ARHGEF10L: variants seen among roughly 807,000 people sequenced by gnomAD.
ARHGEF10L encodes Rho guanine nucleotide exchange factor 10 like.
ARHGEF10L carries 69 observed loss-of-function variants against 141.2 expected under a neutral mutation model. The observed-to-expected ratio is 0.49, with a 90% CI of 0.40 to 0.60. The LOEUF (loss-of-function observed/expected upper bound fraction) is 0.60, where lower values mean the gene tolerates loss of function less well. ARHGEF10L is among the 20% of genes least tolerant of loss of function. The probability of loss-of-function intolerance (pLI) is 0.00; values close to 1 mark genes in which losing one functional copy is unlikely to be tolerated. For synonymous variants in ARHGEF10L, 711 were observed against 718.5 expected (o/e 0.99, Z 0.17); for missense variants, 1,482 against 1,734.3 (o/e 0.85, Z 2.58).
Position 17,671,418 on chromosome 1 carries a change from C to T in ARHGEF10L, c.3009+6823C>T, listed in dbSNP as rs147587244. 3.6e-3 allele frequency among the ~76,000 whole-genome samples: 553 copies of T among 152,236 alleles called. 3 individuals carry two copies. The highest frequency in any genetic ancestry group is 0.027 in the Middle Eastern group (8 of 294). ...GGATAGTCCCTGCCTGGATGGCAGC[C>T]GGGGACAGATGGACAACAGTGTCAC... On this transcript the variant is annotated intron_variant, in intron 26 of 28. Coordinates refer to ENST00000361221, the MANE Select transcript of ARHGEF10L (RefSeq NM_018125.4).
intron 26 of ARHGEF10L, among the ~76,000 whole-genome samples, chr1:17,670,102 G>A (rs112666948): frequency 9.8e-5 from 15 of 152,286 alleles, no homozygotes; most frequent in African/African-American, 3.4e-4. Flanking sequence ...CGCGAGCCAC[G>A]CCTAGGCCAG....
At chr1:17,540,980 C>T (rs1297950257) in intron 1 of ARHGEF10L, among the ~76,000 whole-genome samples, 1 of 152,210 alleles carries the variant, frequency 6.6e-6, no homozygotes, top group Non-Finnish European at 1.5e-5. Context: ...GACTAGAAAG[C>T]AGGTCAGCCT....
At chr1:17,580,694 G>A (rs546125513) in intron 2 of ARHGEF10L, 62 bp downstream of exon 2, 207 of 1,600,810 alleles carry the variant, frequency 1.3e-4, no homozygotes, top group South Asian at 2.7e-4. Flanking sequence ...GCTGGGGGCC[G>A]GCGGAGGGCC....
In ARHGEF10L at chr1:17,687,649, C is replaced by T; in HGVS notation, c.3086C>T (p.Ala1029Val). Reference sequence around the variant, plus strand: ...AAGGCGGGCAGCGGCGTCTGGATGGCCTTCTCCTCCGGCACCTCCATCCGC... The same window carrying T: ...AAGGCGGGCAGCGGCGTCTGGATGGTCTTCTCCTCCGGCACCTCCATCCGC... ...MVKAGSGVWM[A>V]FSSGTSIRLF... Residue 1029 changes from alanine (A) to valine (V), a missense_variant, in exon 27 of 29, where the codon GCC (alanine) becomes GTC (valine). Ala to Val is a moderately conservative substitution (Grantham distance 64, BLOSUM62 0). Around this residue, in one of 3 missense-constraint regions of ARHGEF10L, gnomAD observed 858 missense variants for 966.3 expected, o/e 0.89. Transcript: ENST00000361221. 6.2e-7 allele frequency: 1 copy of T among 1,612,742 alleles called. No individual in the cohort carries two copies. Among genetic ancestry groups the T allele is most frequent in the Non-Finnish European group, 8.5e-7 (1 of 1,179,782 alleles).
chr1:17,530,770 T>C, the ARHGEF10L span, among the ~76,000 whole-genome samples: 29 of 152,070 alleles, frequency 1.9e-4, no homozygotes, highest in South Asian at 3.7e-3. Flanking sequence ...AATCCTAGCA[T>C]TGGGGAGGCT....
intron 1 of ARHGEF10L, among the ~76,000 whole-genome samples, chr1:17,552,095 G>C (rs1211258859): frequency 1.3e-5 from 2 of 152,150 alleles, no homozygotes; most frequent in Non-Finnish European, 2.9e-5. Context: ...ATGAGTGATG[G>C]GAAAACTCCA....
In ARHGEF10L at chr1:17,627,373, C is replaced by T. The variant is rs1327889212; in HGVS notation, c.1454C>T (p.Ser485Leu). 6.2e-7 allele frequency: 1 copy of T among 1,614,094 alleles called. No homozygotes were observed. Among genetic ancestry groups the T allele is most frequent in the Admixed American group, 1.7e-5 (1 of 60,030 alleles). The change falls in exon 15 of 29, where the codon TCG (serine) becomes TTG (leucine). Residue 485 changes from serine (S) to leucine (L), a missense_variant. Physicochemically the swap from Ser to Leu is moderately radical, Grantham distance 145. Transcript: ENST00000361221. This position sits in a 1 kb window ranked among gnomAD's most constrained non-coding sequence, Gnocchi z 4.0. ...CCCAGGGGCCATCCGGACAGGCTGT[C>T]GCTGCAGCTGGCCCTCACAGAGCTG... ...NTPRGHPDRL[S>L]LQLALTELET... is the part of the protein sequence containing the mutation.
intron 4 of ARHGEF10L, among the ~76,000 whole-genome samples, chr1:17,599,567 T>C (rs2100887121): frequency 6.6e-6 from 1 of 152,154 alleles, no homozygotes; most frequent in East Asian, 1.9e-4. Context: ...TCAGGATGTT[T>C]CTGTGTTGAG....
chr1:17,522,128 G>A, the ARHGEF10L span, among the ~76,000 whole-genome samples: 1 of 152,156 alleles, frequency 6.6e-6, no homozygotes, highest in South Asian at 2.1e-4. Flanking sequence ...GGAGGCAGGA[G>A]GTGAGAGTGG....
intron 1 of ARHGEF10L, among the ~76,000 whole-genome samples, chr1:17,574,740 T>C (rs900402383): frequency 6.6e-6 from 1 of 152,186 alleles, no homozygotes; most frequent in African/African-American, 2.4e-5. Flanking sequence ...TCCCGGACTC[T>C]CCACCAGGTG....
intron 26 of ARHGEF10L, among the ~76,000 whole-genome samples, chr1:17,685,793 C>T (rs1031415033): frequency 3.3e-5 from 5 of 152,214 alleles, no homozygotes; most frequent in African/African-American, 9.6e-5. Context: ...CTCATAGCAG[C>T]GTGTACTTAC....
At chr1:17,655,783 C>T in intron 23 of ARHGEF10L, 96 bp from the exon 24 acceptor site, 3 of 1,134,826 alleles carry the variant, frequency 2.6e-6, no homozygotes, top group Non-Finnish European at 3.8e-6. Flanking sequence ...ATGCTTCTCT[C>T]AGGGGATGGG....
chr1:17,667,450 C>A (rs1377881894), intron 26 of ARHGEF10L, among the ~76,000 whole-genome samples: 2 of 152,154 alleles, frequency 1.3e-5, no homozygotes, highest in East Asian at 1.9e-4. Flanking sequence ...GGGAGTGGGG[C>A]CCGAGACAGG....
Position 17,637,942 on chromosome 1 carries a change from A to G in ARHGEF10L, c.1982A>G (p.Lys661Arg). The change falls in exon 19 of 29, where the codon AAG (lysine) becomes AGG (arginine). Residue 661 changes from lysine (K) to arginine (R), a missense_variant. Around this residue, in one of 3 missense-constraint regions of ARHGEF10L, gnomAD observed 858 missense variants for 966.3 expected, o/e 0.89. Transcript: ENST00000361221. ...RLFQELQDLQ[K>R]DLAVVEQITL... is the part of the protein sequence containing the mutation. ...TTCCAGGAGCTGCAGGACCTGCAGA[A>G]GGACCTGGCCGTGGTGGAGCAGATC... 6.2e-7 allele frequency: 1 copy of G among 1,603,094 alleles called. No individual in the cohort carries two copies.
rs943394107 is a variant in ARHGEF10L at position 17,656,854 on chromosome 1, C to T, written c.2860+146C>T. 46 of 1,043,470 alleles carry T rather than the reference C, an allele frequency of 4.4e-5. No individual in the cohort carries two copies. The highest frequency in any genetic ancestry group is 3.2e-4 in the Middle Eastern group (1 of 3,106). 64.6% of individuals were successfully genotyped at this position (1,043,470 alleles called of 1,614,324 possible). A position where few individuals can be genotyped will look rare whatever the true frequency, so the allele number is the denominator to read the frequency against. The stretch of plus-strand genomic sequence containing the variant: ...AGGGCATTTGGAGATCCGTGAGCCC[C>T]GCTGGGGTTCAATGGGTGGTCCCCC... On this transcript the variant is annotated intron_variant, in intron 25 of 28. Transcript: ENST00000361221. This position sits in a 1 kb window ranked among gnomAD's most constrained non-coding sequence, Gnocchi z 4.9.
chr1:17,527,836 C>T, the ARHGEF10L span, among the ~76,000 whole-genome samples: 35 of 147,252 alleles, frequency 2.4e-4, no homozygotes, highest in African/African-American at 8.2e-4. Context: ...CCCTCTAGTG[C>T]TTTTCCTCTT....
chr1:17,564,621 A>G (rs1338551577), intron 1 of ARHGEF10L, among the ~76,000 whole-genome samples: 1 of 152,196 alleles, frequency 6.6e-6, no homozygotes, highest in Non-Finnish European at 1.5e-5. Flanking sequence ...TTCAAAGGCC[A>G]GCGCTCTCAT....
At chr1:17,630,763 A>G (rs1171589856) in intron 15 of ARHGEF10L, among the ~76,000 whole-genome samples, 1 of 152,250 alleles carries the variant, frequency 6.6e-6, no homozygotes, top group East Asian at 1.9e-4. Flanking sequence ...ATTAAGAGCC[A>G]TCCTCAGTGC....
intron 26 of ARHGEF10L, among the ~76,000 whole-genome samples, chr1:17,674,450 G>C (rs2063514661): frequency 6.6e-6 from 1 of 152,260 alleles, no homozygotes; most frequent in Non-Finnish European, 1.5e-5. Context: ...CCACAGGAGA[G>C]GATGCGGGTC....
Sources: allele counts gnomAD v4.1 joint callset (sites outside exome capture counted in the v4.1 genomes callset), GRCh38; gene constraint gnomAD v4.1.1; regional missense constraint gnomAD v4.1.1; non-coding constraint Gnocchi (gnomAD v3.1); transcripts MANE v1.5; gene names NCBI Gene and HGNC (gene_info 2026-07-23, HGNC 2026-07-21).